The following SYT12 variants were observed in gnomAD, a reference collection of about 807,000 sequenced individuals.
SYT12 encodes synaptotagmin-12.
In SYT12, 27 loss-of-function variants were observed where a neutral mutation model predicts 39.5. That is an observed-to-expected ratio of 0.68 (90% confidence interval 0.50 to 0.94). The LOEUF is 0.94. Among genes scored for constraint, SYT12 ranks in the 40% least tolerant of loss-of-function variants. The pLI is 0.00. For missense variants in SYT12, 536 were observed against 572.6 expected (o/e 0.94, Z 0.65); for synonymous variants, 233 against 239.7 (o/e 0.97, Z 0.26).
chr11:67,035,738 T>C (rs951279962), intron 3 of SYT12, among the ~76,000 whole-genome samples: 2 of 152,040 alleles, frequency 1.3e-5, no homozygotes, highest in Non-Finnish European at 2.9e-5. Flanking sequence ...ATTACAGACG[T>C]GAGCCACCGC....
chr11:67,028,253 A>G (rs1950208303), intron 1 of SYT12: 1 of 152,216 alleles, frequency 6.6e-6, no homozygotes, highest in African/African-American at 2.4e-5. Context: ...GGGCTCGACA[A>G]GGTTCTCTAT....
At chr11:67,018,921 C>T (rs1315095128), upstream of SYT12, among the ~76,000 whole-genome samples, 1 of 152,146 alleles carries the variant, frequency 6.6e-6, no homozygotes, top group African/African-American at 2.4e-5. Context: ...ATGAGCTGAG[C>T]CGGGGCCTGG....
At chr11:67,013,797 A>G (rs1231931038) in intron 3 of SYT12, among the ~76,000 whole-genome samples, 1 of 152,204 alleles carries the variant, frequency 6.6e-6, no homozygotes, top group South Asian at 2.1e-4. Flanking sequence ...CTGCCATGAC[A>G]CATTACTGCA....
intron 3 of SYT12, among the ~76,000 whole-genome samples, chr11:67,015,709 A>G (rs1374235428): frequency 1.3e-5 from 2 of 152,168 alleles, no homozygotes; most frequent in African/African-American, 4.8e-5. Flanking sequence ...AGGGTTTGGG[A>G]CATGTGTGAC....
intron 3 of SYT12, among the ~76,000 whole-genome samples, chr11:67,036,233 C>A (rs1042108604): frequency 2.6e-5 from 4 of 152,100 alleles, no homozygotes; most frequent in Admixed American, 2.6e-4. Context: ...TTTTCACCTC[C>A]CTTGTAGCTG....
chr11:67,020,399 A>C (rs1294765251), upstream of SYT12, among the ~76,000 whole-genome samples: 1 of 152,176 alleles, frequency 6.6e-6, no homozygotes, highest in Non-Finnish European at 1.5e-5. Flanking sequence ...TTTGGCTTCC[A>C]TTTCCAGTGC....
rs538491558 is a variant in SYT12, at chr11:67,043,261, G to A, written c.622-377G>A. 2.4e-4 allele frequency among the ~76,000 whole-genome samples: 36 copies of A among 152,310 alleles called. 1 individual carries two copies. The South Asian group carries it at 5.8e-3, about 25-fold the overall frequency. On this transcript the variant is annotated intron_variant, in intron 4 of 7. Coordinates refer to ENST00000527043, the MANE Select transcript of SYT12 (RefSeq NM_177963.4). ...GGAACCTGGGACGTCAGTGGCTCGT[G>A]ACTCCACAGGCAACTGTCCCACTCC...
intron 1 of SYT12, among the ~76,000 whole-genome samples, chr11:67,007,617 T>A (rs1350394965): frequency 6.6e-6 from 1 of 152,174 alleles, no homozygotes; most frequent in Non-Finnish European, 1.5e-5. Context: ...CGGGCTGGAG[T>A]GCAACAGGGC....
chr11:67,028,794 A>G (rs937838359), intron 1 of SYT12: 1 of 152,216 alleles, frequency 6.6e-6, no homozygotes, highest in Non-Finnish European at 1.5e-5. Context: ...AAATTCAGGT[A>G]TCTGGCTTTT....
intron 4 of SYT12, among the ~76,000 whole-genome samples, chr11:67,042,298 C>T (rs1440210614): frequency 2.6e-5 from 4 of 152,156 alleles, no homozygotes; most frequent in Admixed American, 2.0e-4. Flanking sequence ...CTCTCAGGAC[C>T]GTGCAGAGCT....
intron 1 of SYT12, chr11:67,026,883 G>A (rs2136205900): frequency 6.6e-6 from 1 of 152,274 alleles, no homozygotes; most frequent in South Asian, 2.1e-4. Flanking sequence ...CTAGGGGTTA[G>A]GGGGTCTGTA....
chr11:67,013,070 A>C (rs1193698157), intron 3 of SYT12, among the ~76,000 whole-genome samples: 1 of 152,156 alleles, frequency 6.6e-6, no homozygotes, highest in African/African-American at 2.4e-5. Context: ...TCCGGAAGGA[A>C]AGTGGGTATA....
Position 67,043,756 on chromosome 11 carries a change from G to A in SYT12, c.740G>A (p.Arg247His), listed in dbSNP as rs550547042. Residue 247 changes from arginine (R) to histidine (H), a missense_variant, in exon 5 of 8, where the codon CGC becomes CAC. Arg to His is a conservative substitution (Grantham distance 29). Transcript: ENST00000527043. ...FSVFGIDEDE[R>H]NVSTGVVELK... ...GTATTTGGCATCGATGAGGATGAGC[G>A]CAACGTCAGCACGGGGGTGGTGGAG... The A allele has an allele frequency of 6.2e-4, 996 of 1,614,142 alleles. 15 individuals are homozygous for A. The South Asian group carries it at 0.01, about 17-fold the overall frequency.
intron 3 of SYT12, among the ~76,000 whole-genome samples, chr11:67,017,732 G>T (rs1950069337): frequency 6.6e-6 from 1 of 151,726 alleles, no homozygotes; most frequent in Admixed American, 6.6e-5. Flanking sequence ...GGCCAAGACG[G>T]GTGGATCACC....
At chr11:67,041,317 C>T (rs1262682307) in intron 4 of SYT12, among the ~76,000 whole-genome samples, 2 of 151,874 alleles carry the variant, frequency 1.3e-5, no homozygotes, top group South Asian at 2.1e-4. Flanking sequence ...ACTAAAAATA[C>T]AAAAATTAGC....
Position 67,030,020 on chromosome 11 carries a change from T to C in SYT12, c.-23-102T>C, listed in dbSNP as rs1328570944. 3.9e-6 allele frequency: 4 copies of C among 1,024,834 alleles called. No homozygotes were observed. In the Admixed American group the frequency reaches 7.5e-5, roughly 19 times the overall value. 63.5% of individuals were successfully genotyped at this position (1,024,834 alleles called of 1,614,324 possible). On this transcript the variant is annotated intron_variant, in intron 1 of 7. Transcript: ENST00000527043. ...GTGGCACTCCCCTTATAGCTGAGTG[T>C]AAGCTCTGGATGACAGGCACGTGGG...
chr11:67,041,688 G>C (rs1173250737), intron 4 of SYT12, among the ~76,000 whole-genome samples: 5 of 152,120 alleles, frequency 3.3e-5, no homozygotes, highest in Admixed American at 3.3e-4. Flanking sequence ...GGGCTACCTT[G>C]GTGGAAGCTC....
intron 3 of SYT12, among the ~76,000 whole-genome samples, chr11:67,015,189 C>T (rs1591350402): frequency 6.6e-6 from 1 of 152,180 alleles, no homozygotes; most frequent in Non-Finnish European, 1.5e-5. Flanking sequence ...AAGGGGATCC[C>T]GGTGACAGGT....
In SYT12 at chr11:67,044,600, A is replaced by C. The variant is rs778847174; in HGVS notation, c.845A>C (p.Asp282Ala). The C allele has an allele frequency of 1.3e-5, 21 of 1,612,322 alleles. No homozygotes were observed. Among genetic ancestry groups the C allele is most frequent in the Non-Finnish European group, 1.8e-5 (21 of 1,179,566 alleles). The stretch of plus-strand genomic sequence containing the variant: ...CACCTGTCTGTCCCCCAGGCCGCCG[A>C]TGCTGTGGGGGAGATCCTGCTCTCC... Reference protein sequence around the residue: ...LYLQDQNKAADAVGEILLSLS... With the variant: ...LYLQDQNKAAAAVGEILLSLS... The change falls in exon 6 of 8, where the codon GAT becomes GCT. Residue 282 changes from aspartate (D) to alanine (A), a missense_variant. Physicochemically the swap from Asp to Ala is moderately radical, Grantham distance 126 (BLOSUM62 -2). Coordinates refer to ENST00000527043, the MANE Select transcript of SYT12 (RefSeq NM_177963.4).
Sources: gnomAD v4.1 joint callset for allele counts (sites outside exome capture counted in the v4.1 genomes callset) on GRCh38, gnomAD v4.1.1 for gene constraint, MANE v1.5 for transcripts, NCBI Gene and HGNC (gene_info 2026-07-23, HGNC 2026-07-21) for gene names.